The following BCL2L11 variants were observed in gnomAD, a reference collection of about 807,000 sequenced individuals.
BCL2L11 encodes the protein BCL2 like 11.
Under a neutral mutation model 20.6 loss-of-function variants are expected in BCL2L11, and 15 were observed. The observed-to-expected ratio is 0.73, with a 90% CI of 0.49 to 1.12. The LOEUF (loss-of-function observed/expected upper bound fraction) is 1.12. Ranked by LOEUF, BCL2L11 falls within the 50% of genes most tolerant of loss-of-function variation. BCL2L11 has a pLI of 0.00. For missense variants in BCL2L11, 292 were observed against 260.9 expected (o/e 1.12, Z -0.82); for synonymous variants, 108 against 92.8 (o/e 1.16, Z -0.94).
In BCL2L11 at chr2:111,165,085, C is replaced by T. The variant is rs1045457153; in HGVS notation, c.*854C>T. 6.6e-6 allele frequency: 1 copy of T among 152,174 alleles called. No homozygotes were observed. Among genetic ancestry groups the T allele is most frequent in the African/African-American group, 2.4e-5 (1 of 41,430 alleles). The allele number at this position is 152,174 out of a possible 1,614,324, so 9.4% of individuals were successfully genotyped here. The stretch of plus-strand genomic sequence containing the variant: ...ATATCTGCCTGTATCTTGCACAGTT[C>T]GAGCGATCTGTTATTAACTGGGAAG... On this transcript the variant is annotated 3_prime_UTR_variant, in exon 4 of 4. Transcript: ENST00000393256.
Position 111,120,955 on chromosome 2 carries a change from C to G in BCL2L11, c.-247C>G, listed in dbSNP as rs1237793772. 18 of 379,422 alleles carry G rather than the reference C, an allele frequency of 4.7e-5. No homozygotes were observed. The East Asian group carries it at 9.8e-4, about 21-fold the overall frequency. The allele number at this position is 379,422 out of a possible 1,614,324, so 23.5% of individuals were successfully genotyped here. A position where few individuals can be genotyped will look rare whatever the true frequency, so the allele number is the denominator to read the frequency against. On this transcript the variant is annotated 5_prime_UTR_variant, in exon 1 of 4. Coordinates refer to ENST00000393256, the MANE Select transcript of BCL2L11 (RefSeq NM_138621.5). ...CCGCCTGGTCTGCAGTTTGTTGGAG[C>G]TCTGCGTCCAGCGCCGCTGCCGCTG...
chr2:111,137,574 A>T (rs2075116000), intron 2 of BCL2L11, among the ~76,000 whole-genome samples: 1 of 149,256 alleles, frequency 6.7e-6, no homozygotes, highest in Non-Finnish European at 1.5e-5. Context: ...GCTCTGTGCC[A>T]CCCACATCTC....
At chr2:111,122,181 C>T (rs1456777084) in intron 1 of BCL2L11, among the ~76,000 whole-genome samples, 1 of 152,234 alleles carries the variant, frequency 6.6e-6, no homozygotes, top group African/African-American at 2.4e-5. Context: ...GTTGCCACAG[C>T]CAGGGCGGTG....
intron 2 of BCL2L11, among the ~76,000 whole-genome samples, chr2:111,136,084 G>T (rs749971094): frequency 6.6e-6 from 1 of 152,160 alleles, no homozygotes; most frequent in Non-Finnish European, 1.5e-5. Flanking sequence ...GCTGCCAGGG[G>T]CGTTGTGGTT....
At chr2:111,124,293 CTTTT>C (rs375204950) in intron 2 of BCL2L11, among the ~76,000 whole-genome samples, 154 bp downstream of exon 2, 3 of 142,800 alleles carry the variant, frequency 2.1e-5, no homozygotes, top group Non-Finnish European at 3.1e-5. Flanking sequence ...ATCAAACCAA[CTTTT>C]TTTTTTTTTT....
At chr2:111,156,589 A>T (rs1269391251) in intron 3 of BCL2L11, among the ~76,000 whole-genome samples, 1 of 152,260 alleles carries the variant, frequency 6.6e-6, no homozygotes, top group East Asian at 1.9e-4. Context: ...TTGGGAGAAC[A>T]TGTGGCTGGG....
In BCL2L11 at chr2:111,133,413, G is replaced by A. The variant is rs147971055; in HGVS notation, c.394+9274G>A. ...TGCTTAGCTGCATCCCACGTGTTTTGGTATGTTGTGTTTTCATTTTCATTG... is the reference window on the plus strand; with the variant it reads ...TGCTTAGCTGCATCCCACGTGTTTTAGTATGTTGTGTTTTCATTTTCATTG... On this transcript the variant is annotated intron_variant, in intron 2 of 3. Coordinates refer to ENST00000393256, the MANE Select transcript of BCL2L11 (RefSeq NM_138621.5). 1.9e-3 allele frequency among the ~76,000 whole-genome samples: 293 copies of A among 152,128 alleles called. 3 individuals carry two copies. The Middle Eastern group carries it at 0.041, about 21-fold the overall frequency.
intron 1 of BCL2L11, chr2:111,122,862 G>GGCTTGGT: frequency 1.0e-6 from 1 of 985,514 alleles, no homozygotes; most frequent in Non-Finnish European, 1.2e-6. Flanking sequence ...AAGGGCGCGG[G>GGCTTGGT]CCGGACGCCG....
chr2:111,138,071 T>A (rs2075227465), intron 2 of BCL2L11, among the ~76,000 whole-genome samples: 1 of 150,130 alleles, frequency 6.7e-6, no homozygotes, highest in South Asian at 2.1e-4. Flanking sequence ...TGCAGTGCCA[T>A]GATCTCAGCT....
chr2:111,127,785 T>C (rs1236988623), intron 2 of BCL2L11, among the ~76,000 whole-genome samples: 1 of 152,102 alleles, frequency 6.6e-6, no homozygotes, highest in Non-Finnish European at 1.5e-5. Flanking sequence ...GCACTTGACA[T>C]AGGACTAGTC....
intron 3 of BCL2L11, among the ~76,000 whole-genome samples, chr2:111,154,112 C>G (rs977834791): frequency 2.6e-5 from 4 of 152,088 alleles, no homozygotes; most frequent in Admixed American, 2.6e-4. Flanking sequence ...TATATCTGCC[C>G]CACTTGTTTT....
intron 3 of BCL2L11, among the ~76,000 whole-genome samples, chr2:111,158,814 A>C (rs1027351486): frequency 6.6e-6 from 1 of 152,278 alleles, no homozygotes; most frequent in African/African-American, 2.4e-5. Flanking sequence ...CTCTTACAGC[A>C]CATCTCACCC....
At chr2:111,144,608 T>A in intron 2 of BCL2L11, 1 of 1,420,118 alleles carries the variant, frequency 7.0e-7, no homozygotes, top group Non-Finnish European at 9.6e-7. Flanking sequence ...AGAAAGATAT[T>A]TCTGAAGATA....
intron 2 of BCL2L11, chr2:111,132,361 A>G (rs1313557243): frequency 6.6e-6 from 1 of 152,258 alleles, no homozygotes; most frequent in Admixed American, 6.5e-5. Context: ...AGAGACTTGT[A>G]GCTAGGAAGT....
At chr2:111,159,011 G>T (rs568283379) in intron 3 of BCL2L11, among the ~76,000 whole-genome samples, 2 of 152,312 alleles carry the variant, frequency 1.3e-5, no homozygotes, top group South Asian at 4.1e-4. Flanking sequence ...ATGGATGAGT[G>T]GGCTGTATTC....
At chr2:111,146,204 G>A (rs1420194319) in intron 2 of BCL2L11, 1 of 984,762 alleles carries the variant, frequency 1.0e-6, no homozygotes, top group Non-Finnish European at 1.2e-6. Context: ...AATTTTTTAT[G>A]TTCACATAAA....
intron 2 of BCL2L11, among the ~76,000 whole-genome samples, chr2:111,138,162 C>A (rs567884487): frequency 6.6e-6 from 1 of 151,954 alleles, no homozygotes. Flanking sequence ...GCACCCACCA[C>A]GACGCCTGGC....
intron 1 of BCL2L11, among the ~76,000 whole-genome samples, chr2:111,122,148 G>A (rs2071158501): frequency 6.6e-6 from 1 of 152,256 alleles, no homozygotes; most frequent in African/African-American, 2.4e-5. Context: ...CCAGGAGAGA[G>A]AGGAAGTTGT....
intron 3 of BCL2L11, chr2:111,161,672 A>G (rs1004152332): frequency 2.4e-5 from 28 of 1,156,742 alleles, no homozygotes; most frequent in Admixed American, 5.7e-5. Flanking sequence ...CAATACAGGG[A>G]TTGTCATCTT....
Sources: gnomAD v4.1 joint callset for allele counts (sites outside exome capture counted in the v4.1 genomes callset) on GRCh38, gnomAD v4.1.1 for gene constraint, MANE v1.5 for transcripts, NCBI Gene and HGNC (gene_info 2026-07-23, HGNC 2026-07-21) for gene names.